IRAG2: variants seen among roughly 807,000 people sequenced by gnomAD.
IRAG2 encodes lymphoid restricted membrane protein.
IRAG2 carries 45 observed loss-of-function variants against 69.9 expected under a neutral mutation model. The observed-to-expected ratio is 0.64, with a 90% confidence interval of 0.51 to 0.83. The LOEUF is 0.83. Among genes scored for constraint, IRAG2 ranks in the 40% least tolerant of loss-of-function variants. The probability of loss-of-function intolerance (pLI) is 0.00; values close to 1 mark genes in which losing one functional copy is unlikely to be tolerated. For missense variants in IRAG2, 520 were observed against 587.0 expected, an observed-to-expected ratio of 0.89 and a Z score of 1.18; for synonymous variants, 193 against 202.4, an observed-to-expected ratio of 0.95 and a Z score of 0.40.
At chr12:25,078,621 C>T (rs145723611) in intron 6 of IRAG2, among the ~76,000 whole-genome samples, 92 of 152,022 alleles carry the variant, frequency 6.1e-4, no homozygotes, top group African/African-American at 2.0e-3. Flanking sequence ...ACTTTAATGC[C>T]CTAAAGTTAC....
At chr12:25,105,567 T>G (rs188338998) in intron 20 of IRAG2, among the ~76,000 whole-genome samples, 1 of 152,226 alleles carries the variant, frequency 6.6e-6, no homozygotes, top group East Asian at 1.9e-4. Context: ...TTTTTTAAAG[T>G]CCTGGGAGCC....
At chr12:25,103,061 T>C (rs1303887982) in intron 17 of IRAG2, 1 of 152,240 alleles carries the variant, frequency 6.6e-6, no homozygotes, top group Non-Finnish European at 1.5e-5. Flanking sequence ...ATATTCTTGA[T>C]GCTCAACTAA....
intron 6 of IRAG2, among the ~76,000 whole-genome samples, chr12:25,078,052 A>T (rs1946946901): frequency 6.6e-6 from 1 of 152,176 alleles, no homozygotes; most frequent in African/African-American, 2.4e-5. Flanking sequence ...CACTGTATTT[A>T]GTTCGATATG....
chr12:25,082,609 A>AAC lies in IRAG2; in HGVS notation c.245-814_245-813insAC, dbSNP rs1555140821. On this transcript the variant is annotated intron_variant, in intron 9 of 21. Transcript: ENST00000556887. ...AGTGAGACCCTGTCTCAAAAAAAAA[A>AAC]CAAAAAACAAAAACAAACAAAACAA... Among the ~76,000 whole-genome samples, 74 of 150,636 alleles carry AAC rather than the reference A, an allele frequency of 4.9e-4. 1 individual carries two copies. In the Middle Eastern group the frequency reaches 0.01, roughly 21 times the overall value.
chr12:25,053,649 A>G (rs2139895249), intron 1 of IRAG2, among the ~76,000 whole-genome samples: 1 of 152,226 alleles, frequency 6.6e-6, no homozygotes, highest in East Asian at 1.9e-4. Flanking sequence ...TATGGTAAAA[A>G]TAAACCTTAC....
At chr12:25,070,490 A>G (rs533294177) in intron 6 of IRAG2, among the ~76,000 whole-genome samples, 3 of 152,358 alleles carry the variant, frequency 2.0e-5, no homozygotes, top group Admixed American at 1.3e-4. Flanking sequence ...TTATGGCTCA[A>G]TAATATTCCA....
chr12:25,107,868 G>C lies in IRAG2; in HGVS notation c.1308G>C (p.Lys436Asn), dbSNP rs774406585. 9 of 1,613,974 alleles carry C rather than the reference G, an allele frequency of 5.6e-6. No homozygotes were observed. Among genetic ancestry groups the C allele is most frequent in the Non-Finnish European group, 6.8e-6 (8 of 1,179,942 alleles). Residue 436 changes from lysine to asparagine, a missense_variant, in exon 22 of 22, where the codon AAG (lysine) becomes AAC (asparagine). By Grantham distance (94) the Lys-to-Asn change is moderately conservative (BLOSUM62 0). Coordinates refer to ENST00000556887, the MANE Select transcript of IRAG2 (RefSeq NM_001366544.2). ...CAAATCTCAAGTCCTCCATCAGAAA[G>C]GCTAATAAGGCCCTCTGGCTCTCTA... ...WATNLKSSIRKANKALWLSIA... is the reference protein window; with the variant it reads ...WATNLKSSIRNANKALWLSIA...
At chr12:25,036,226 T>C (rs1461127299) in intron 14 of IRAG2, among the ~76,000 whole-genome samples, 1 of 152,220 alleles carries the variant, frequency 6.6e-6, no homozygotes, top group African/African-American at 2.4e-5. Flanking sequence ...GCCTAGCATA[T>C]AGTAGGTAGC....
chr12:25,011,565 T>C (rs1944475142), intron 3 of IRAG2: 2 of 1,223,034 alleles, frequency 1.6e-6, no homozygotes, highest in Non-Finnish European at 1.0e-6. Context: ...ATCAGAGTCC[T>C]AGTGGGATGC....
intron 6 of IRAG2, among the ~76,000 whole-genome samples, chr12:25,072,840 A>C (rs1040631986): frequency 6.6e-6 from 1 of 152,232 alleles, no homozygotes; most frequent in African/African-American, 2.4e-5. Context: ...CAGGTAGCCT[A>C]TATTGTCAGA....
intron 6 of IRAG2, among the ~76,000 whole-genome samples, chr12:25,075,091 T>C (rs1016854446): frequency 2.0e-5 from 3 of 152,172 alleles, no homozygotes; most frequent in Non-Finnish European, 4.4e-5. Flanking sequence ...GTGGTATACC[T>C]TTAGTTAGAA....
In IRAG2 at chr12:25,038,570, A is replaced by G. The variant is rs184151379; in HGVS notation, c.2144+433A>G. 4.7e-4 allele frequency among the ~76,000 whole-genome samples: 71 copies of G among 150,064 alleles called. No individual in the cohort carries two copies. In the East Asian group the frequency reaches 0.013, roughly 27 times the overall value. The stretch of plus-strand genomic sequence containing the variant: ...TGCAGGAGAATTGCTTGAACCCGGG[A>G]GGCAGAGATTCAGTGAGCTGAGATT... On this transcript the variant is annotated intron_variant, in intron 16 of 38. Coordinates refer to the IRAG2 transcript ENST00000636465.
At chr12:25,051,069 TTAA>T (rs1333260310), upstream of IRAG2, among the ~76,000 whole-genome samples, 2 of 152,186 alleles carry the variant, frequency 1.3e-5, no homozygotes, top group African/African-American at 4.8e-5. Context: ...ATGCCTGTAG[TTAA>T]TAATACTGTA....
At chr12:25,020,824 A>G (rs1316356795) in exon 7 of IRAG2, 8 of 1,231,970 alleles carry the variant, frequency 6.5e-6, no homozygotes, top group Non-Finnish European at 7.1e-6. Context: ...AAATCTGTTA[A>G]AAGAAGAACT....
intron 9 of IRAG2, among the ~76,000 whole-genome samples, chr12:25,082,135 G>A (rs529443047): frequency 6.6e-6 from 1 of 152,230 alleles, no homozygotes; most frequent in Non-Finnish European, 1.5e-5. Flanking sequence ...TTTTATGTAT[G>A]CATGAAATAT....
At chr12:25,077,469 A>C (rs1002002467) in intron 6 of IRAG2, among the ~76,000 whole-genome samples, 9 of 148,762 alleles carry the variant, frequency 6.0e-5, no homozygotes, top group African/African-American at 2.2e-4. Context: ...ATATTTTAAA[A>C]TAGGGCCATT....
At chr12:25,025,854 A>C (rs935992713) in intron 8 of IRAG2, among the ~76,000 whole-genome samples, 9 of 152,196 alleles carry the variant, frequency 5.9e-5, no homozygotes, top group African/African-American at 2.2e-4. Flanking sequence ...TGAAATACAA[A>C]GCAAAGTCAT....
intron 16 of IRAG2, 105 bp downstream of exon 16, chr12:25,101,430 T>G: frequency 1.4e-6 from 1 of 733,880 alleles, no homozygotes; most frequent in Non-Finnish European, 2.0e-6. Flanking sequence ...TTAGGTTAAC[T>G]TTATATTAGA....
chr12:25,103,420 C>T (rs7976254), intron 17 of IRAG2: 50,189 of 159,444 alleles, frequency 0.31, 9,737 homozygotes, highest in African/African-American at 0.56. Context: ...GGATTAACAA[C>T]AAAAAATTTC....
Sources: gnomAD v4.1 joint callset for allele counts (sites outside exome capture counted in the v4.1 genomes callset) on GRCh38, gnomAD v4.1.1 for gene constraint, MANE v1.5 for transcripts, NCBI Gene and HGNC (gene_info 2026-07-23, HGNC 2026-07-21) for gene names.